SUZ12: variants seen among roughly 807,000 people sequenced by gnomAD.
The protein encoded by SUZ12 is SUZ12 polycomb repressive complex 2 subunit.
In SUZ12, 17 loss-of-function variants were observed where a neutral mutation model predicts 87.3. The ratio of observed to expected loss-of-function variants is 0.19; its 90% CI spans 0.13 to 0.29. The LOEUF (loss-of-function observed/expected upper bound fraction) is 0.29. SUZ12 is among the 10% of genes least tolerant of loss of function. SUZ12 has a pLI of 1.00. For missense variants in SUZ12, 526 were observed against 912.2 expected (o/e 0.58, Z 5.45); for synonymous variants, 253 against 312.4 (o/e 0.81, Z 2.01).
intron 4 of SUZ12, among the ~76,000 whole-genome samples, chr17:31,958,028 G>A (rs113972244): frequency 0.11 from 16,083 of 147,976 alleles, 1,044 homozygotes; most frequent in Middle Eastern, 0.17. Flanking sequence ...TCAGCCTCCC[G>A]AGTAGCTGGG....
chr17:31,964,325 C>T (rs1598163881), intron 4 of SUZ12, among the ~76,000 whole-genome samples: 2 of 150,154 alleles, frequency 1.3e-5, no homozygotes, highest in Middle Eastern at 3.4e-3. Flanking sequence ...GCACCCAGCC[C>T]CTAGCATACT....
At chr17:31,962,316 C>T (rs1222671913) in intron 4 of SUZ12, among the ~76,000 whole-genome samples, 1 of 152,056 alleles carries the variant, frequency 6.6e-6, no homozygotes, top group Non-Finnish European at 1.5e-5. Flanking sequence ...ACAGGCCAGG[C>T]GCAGTGGCTC....
At chr17:31,963,143 T>C (rs2142156143) in intron 4 of SUZ12, among the ~76,000 whole-genome samples, 1 of 136,040 alleles carries the variant, frequency 7.4e-6, no homozygotes, top group Admixed American at 6.9e-5. Flanking sequence ...TTGTATACGA[T>C]TATTTATTAT....
At chr17:31,973,395 G>A (rs1188618783) in intron 6 of SUZ12, among the ~76,000 whole-genome samples, 164 bp downstream of exon 6, 2 of 152,076 alleles carry the variant, frequency 1.3e-5, no homozygotes, top group South Asian at 2.1e-4. Flanking sequence ...TTGCCAACTC[G>A]CATATCTGTG....
intron 5 of SUZ12, among the ~76,000 whole-genome samples, chr17:31,971,465 T>C (rs1598169992): frequency 6.7e-6 from 1 of 149,716 alleles, no homozygotes; most frequent in Admixed American, 6.7e-5. Flanking sequence ...TTCGCTCTTG[T>C]TGCCCAGGCT....
chr17:31,938,102 C>T (rs1906047588), intron 1 of SUZ12, among the ~76,000 whole-genome samples: 2 of 152,238 alleles, frequency 1.3e-5, no homozygotes, highest in East Asian at 1.9e-4. Context: ...AGCATCTTCT[C>T]TGGAGACGAC....
At chr17:31,981,880 A>C (rs1180025545) in intron 8 of SUZ12, among the ~76,000 whole-genome samples, 1 of 152,190 alleles carries the variant, frequency 6.6e-6, no homozygotes, top group Non-Finnish European at 1.5e-5. Flanking sequence ...GATTAAATGA[A>C]CCATGTAAAA....
In SUZ12 at chr17:32,000,882, G is replaced by C. The variant is rs941074176; in HGVS notation, c.*1879G>C. The C allele has an allele frequency of 9.0e-6, 2 of 222,026 alleles. No individual in the cohort carries two copies. Among genetic ancestry groups the C allele is most frequent in the Non-Finnish European group, 1.8e-5 (2 of 110,940 alleles). The allele number at this position is 222,026 out of a possible 1,614,324, so 13.8% of individuals were successfully genotyped here. A position where few individuals can be genotyped will look rare whatever the true frequency, so the allele number is the denominator to read the frequency against. ...AAAGTGCTTTTCTATATGTACCCTT[G>C]ATAACAGATTTTGAAGAAATCCTGT... On this transcript the variant is annotated 3_prime_UTR_variant, in exon 16 of 16. Coordinates refer to ENST00000322652, the MANE Select transcript of SUZ12 (RefSeq NM_015355.4).
At chr17:31,949,660 G>GCCCCCCCC (rs796561870) in intron 4 of SUZ12, among the ~76,000 whole-genome samples, 1 of 5,366 alleles carries the variant, frequency 1.9e-4, no homozygotes, top group East Asian at 0.033. Flanking sequence ...ACCACACCCA[G>GCCCCCCCC]CCCCCCCCCC....
chr17:31,998,270 G>A (rs1484465864), intron 15 of SUZ12, among the ~76,000 whole-genome samples: 4 of 152,048 alleles, frequency 2.6e-5, no homozygotes, highest in African/African-American at 7.2e-5. Flanking sequence ...TAGTAGAGAC[G>A]GGGTTTCACA....
chr17:31,994,598 T>C lies in SUZ12; in HGVS notation c.1472T>C (p.Ile491Thr). 1.2e-6 allele frequency: 2 copies of C among 1,613,752 alleles called. No individual in the cohort carries two copies. The highest frequency in any genetic ancestry group is 1.7e-6 in the Non-Finnish European group (2 of 1,179,900). Reference sequence around the variant, plus strand: ...AAAGGTGCTAGGATAGATGTTTCTATCAATGAGTGTTATGATGGCTCCTAT... The same window carrying C: ...AAAGGTGCTAGGATAGATGTTTCTACCAATGAGTGTTATGATGGCTCCTAT... ...HPKGARIDVS[I>T]NECYDGSYAG... The change falls in exon 13 of 16, where the codon ATC becomes ACC. Residue 491 changes from isoleucine (I) to threonine (T), a missense_variant. By Grantham distance (89) the Ile-to-Thr change is moderately conservative. Around this residue, in one of 9 missense-constraint regions of SUZ12, gnomAD observed 143 missense variants for 321.6 expected, o/e 0.44. Transcript: ENST00000322652.
In SUZ12 at chr17:31,944,439, A is replaced by G. The variant is rs539171867; in HGVS notation, c.387-3178A>G. On this transcript the variant is annotated intron_variant, in intron 3 of 15. Coordinates refer to ENST00000322652, the MANE Select transcript of SUZ12 (RefSeq NM_015355.4). ...CACCACGTCCTGCTAAAAAGTACACATTTAAAATCTAAGTTCCATTTTCCC... is the reference window on the plus strand; with the variant it reads ...CACCACGTCCTGCTAAAAAGTACACGTTTAAAATCTAAGTTCCATTTTCCC... Among the ~76,000 whole-genome samples the G allele has an allele frequency of 1.9e-4, 29 of 152,352 alleles. No individual in the cohort carries two copies. In the East Asian group the frequency reaches 5.4e-3, roughly 28 times the overall value.
chr17:31,980,934 A>C (rs1397203281), intron 8 of SUZ12, among the ~76,000 whole-genome samples: 3 of 152,038 alleles, frequency 2.0e-5, no homozygotes, highest in Non-Finnish European at 4.4e-5. Flanking sequence ...TGGAAGACCA[A>C]GGTGAGAGGA....
chr17:31,974,635 G>T (rs941408475), intron 6 of SUZ12, among the ~76,000 whole-genome samples: 3 of 152,184 alleles, frequency 2.0e-5, no homozygotes, highest in Middle Eastern at 3.4e-3. Flanking sequence ...ATGTATCGGG[G>T]TAATCATTTT....
intron 4 of SUZ12, among the ~76,000 whole-genome samples, chr17:31,951,186 G>C (rs1378636689): frequency 6.6e-6 from 1 of 152,130 alleles, no homozygotes; most frequent in Admixed American, 6.6e-5. Context: ...CAAAGTTATA[G>C]TATGTCTGCT....
intron 14 of SUZ12, among the ~76,000 whole-genome samples, chr17:31,996,546 GAGGTCA>G (rs1202693848): frequency 6.6e-6 from 1 of 152,186 alleles, no homozygotes; most frequent in Non-Finnish European, 1.5e-5. Flanking sequence ...TTGAACCCGG[GAGGTCA>G]AGGTTTCAGT....
intron 10 of SUZ12, among the ~76,000 whole-genome samples, chr17:31,989,401 A>G (rs1909585699): frequency 1.3e-5 from 2 of 152,178 alleles, no homozygotes; most frequent in South Asian, 4.1e-4. Flanking sequence ...AAAAAATTGA[A>G]GCGTGATATG....
intron 5 of SUZ12, among the ~76,000 whole-genome samples, chr17:31,972,383 G>A (rs1169548711): frequency 6.9e-5 from 10 of 144,682 alleles, no homozygotes; most frequent in South Asian, 2.2e-4. Flanking sequence ...GTTTGTGTGT[G>A]TATATATATA....
intron 15 of SUZ12, among the ~76,000 whole-genome samples, chr17:31,997,364 C>T (rs1328116124): frequency 6.6e-6 from 1 of 152,104 alleles, no homozygotes; most frequent in Non-Finnish European, 1.5e-5. Flanking sequence ...CTCGTTCACA[C>T]TCAAAACATT....
Sources: allele counts gnomAD v4.1 joint callset (sites outside exome capture counted in the v4.1 genomes callset), GRCh38; gene constraint gnomAD v4.1.1; regional missense constraint gnomAD v4.1.1; transcripts MANE v1.5; gene names NCBI Gene and HGNC (gene_info 2026-07-23, HGNC 2026-07-21).